ESYT2: variants seen among roughly 807,000 people sequenced by gnomAD.
The protein encoded by ESYT2 is extended synaptotagmin 2, also known as extended synaptotagmin-2.
ESYT2 carries 54 observed loss-of-function variants against 107.2 expected under a neutral mutation model. That is an observed-to-expected ratio of 0.50 (90% CI 0.40 to 0.63). ESYT2 has a LOEUF of 0.63. ESYT2 is among the 30% of genes least tolerant of loss of function. The probability of loss-of-function intolerance (pLI) is 0.00; values close to 1 mark genes in which losing one functional copy is unlikely to be tolerated. For missense variants in ESYT2, 1,020 were observed against 1,094.5 expected (o/e 0.93, Z 0.96); for synonymous variants, 491 against 434.1 (o/e 1.13, Z -1.63).
At position 158,735,563 on chromosome 7, in the gene ESYT2, G is replaced by C. The variant is rs34974906; in HGVS notation, c.2445C>G (p.Leu815=). ...VSLPEVQRRT[L]DVAVKNSGGF... ...CGCCACTGTTCTTCACGGCAACGTCGAGCGTTCTCCTCTGCACTTCTGGTA... is the reference window on the plus strand; with the variant it reads ...CGCCACTGTTCTTCACGGCAACGTCCAGCGTTCTCCTCTGCACTTCTGGTA... Residue 815 remains leucine, a synonymous_variant, in exon 21 of 23, where the codon CTC becomes CTG. Coordinates refer to ENST00000275418, the MANE Select transcript of ESYT2 (RefSeq NM_001367773.1). The C allele has an allele frequency of 2.5e-6, 4 of 1,613,090 alleles. No homozygotes were observed. Among genetic ancestry groups the C allele is most frequent in the African/African-American group, 1.3e-5 (1 of 74,846 alleles).
At chr7:158,737,649 T>C (rs771469451) in intron 19 of ESYT2, among the ~76,000 whole-genome samples, 14 of 152,154 alleles carry the variant, frequency 9.2e-5, no homozygotes, top group Non-Finnish European at 1.8e-4. Flanking sequence ...CTAGGAGGGA[T>C]TGTTTTGCTA....
intron 1 of ESYT2, among the ~76,000 whole-genome samples, chr7:158,810,613 T>C (rs1839966540): frequency 6.6e-6 from 1 of 151,532 alleles, no homozygotes; most frequent in South Asian, 2.1e-4. Context: ...GCCTGGGAGG[T>C]GGAGGCTGCA....
At chr7:158,749,780 TAACTA>T (rs1456129740) in intron 14 of ESYT2, 57 bp from the exon 15 acceptor site, 6 of 1,508,926 alleles carry the variant, frequency 4.0e-6, no homozygotes, top group Non-Finnish European at 5.5e-6. Context: ...AAATGGGTCT[TAACTA>T]AAAATGAAAT....
intron 6 of ESYT2, among the ~76,000 whole-genome samples, chr7:158,781,295 C>CA (rs1838786912): frequency 2.5e-5 from 1 of 40,338 alleles, no homozygotes; most frequent in African/African-American, 7.1e-5. Flanking sequence ...GAACAGTGTG[C>CA]GGTGTGTGAG....
At chr7:158,797,683 T>C (rs1261682202) in intron 3 of ESYT2, among the ~76,000 whole-genome samples, 5 of 151,860 alleles carry the variant, frequency 3.3e-5, no homozygotes, top group Non-Finnish European at 7.4e-5. Flanking sequence ...TGAAACCCCG[T>C]CTCTACTAAA....
At chr7:158,789,982 G>A (rs969156731) in intron 4 of ESYT2, among the ~76,000 whole-genome samples, 1 of 152,198 alleles carries the variant, frequency 6.6e-6, no homozygotes, top group Non-Finnish European at 1.5e-5. Flanking sequence ...CTGGACAACA[G>A]CACAAGGCTC....
intron 4 of ESYT2, 74 bp from the exon 5 acceptor site, chr7:158,788,491 G>C: frequency 2.4e-6 from 3 of 1,239,634 alleles, no homozygotes; most frequent in Non-Finnish European, 3.4e-6. Flanking sequence ...CCTGCAAGAT[G>C]TATAATCTGA....
At chr7:158,792,577 AAT>A (rs35338776) in intron 4 of ESYT2, among the ~76,000 whole-genome samples, 1 of 149,028 alleles carries the variant, frequency 6.7e-6, no homozygotes, top group African/African-American at 2.5e-5. Flanking sequence ...CATATATATA[AAT>A]ATATATATAT....
chr7:158,801,274 T>G (rs1210536769), intron 1 of ESYT2, among the ~76,000 whole-genome samples: 1 of 152,232 alleles, frequency 6.6e-6, no homozygotes, highest in Non-Finnish European at 1.5e-5. Context: ...TGGCTTGTAT[T>G]AGAATTTACA....
At chr7:158,801,080 G>A (rs776056203) in intron 1 of ESYT2, among the ~76,000 whole-genome samples, 9 of 152,138 alleles carry the variant, frequency 5.9e-5, no homozygotes, top group African/African-American at 2.2e-4. Flanking sequence ...CTGCAGTGAG[G>A]CAGTGATGGG....
intron 1 of ESYT2, among the ~76,000 whole-genome samples, chr7:158,803,313 C>T (rs190574023): frequency 2.6e-5 from 4 of 152,308 alleles, no homozygotes; most frequent in Admixed American, 6.5e-5. Flanking sequence ...GTAAAATCAA[C>T]ACAGTCTCAA....
Position 158,764,695 on chromosome 7 carries a change from C to T in ESYT2, c.1083G>A (p.Lys361=). The change falls in exon 9 of 23, where the codon AAG becomes AAA. Residue 361 remains lysine, a synonymous_variant. Transcript: ENST00000275418. ...ACCCCACCTCATAGACTTCATTCCA[C>T]TTTGGACTGAGGTTCTCCTTGATGA... ...SRVIKENLSP[K]WNEVYEALVY... The T allele has an allele frequency of 6.2e-7, 1 of 1,614,108 alleles. No individual in the cohort carries two copies. Among genetic ancestry groups the T allele is most frequent in the Non-Finnish European group, 8.5e-7 (1 of 1,179,982 alleles).
At chr7:158,748,049 G>T (rs1463158431) in intron 16 of ESYT2, 145 bp downstream of exon 16, 1 of 677,068 alleles carries the variant, frequency 1.5e-6, no homozygotes. Flanking sequence ...GCTAGGGGAG[G>T]CCCGGGTTAC....
intron 1 of ESYT2, among the ~76,000 whole-genome samples, chr7:158,814,964 A>C (rs1473595248): frequency 6.6e-6 from 1 of 152,214 alleles, no homozygotes; most frequent in Non-Finnish European, 1.5e-5. Flanking sequence ...AGAGAATGCA[A>C]GGGAGTGCAC....
chr7:158,773,165 G>C (rs932022121), intron 7 of ESYT2, among the ~76,000 whole-genome samples, 176 bp downstream of exon 7: 2 of 151,962 alleles, frequency 1.3e-5, no homozygotes, highest in Middle Eastern at 3.2e-3. Flanking sequence ...AGCAGCTCCC[G>C]GCAGGCAGAA....
intron 13 of ESYT2, 123 bp downstream of exon 13, chr7:158,759,363 C>T (rs759534033): frequency 4.5e-5 from 32 of 712,662 alleles, no homozygotes; most frequent in Admixed American, 3.1e-4. Flanking sequence ...TGCACTTGGA[C>T]GTGAAGTGAA....
At chr7:158,806,011 G>C (rs1000679987) in intron 1 of ESYT2, among the ~76,000 whole-genome samples, 1 of 152,204 alleles carries the variant, frequency 6.6e-6, no homozygotes, top group Non-Finnish European at 1.5e-5. Flanking sequence ...ATGGGCCCCA[G>C]GGACACAGGG....
intron 1 of ESYT2, among the ~76,000 whole-genome samples, chr7:158,811,934 C>T (rs1182425533): frequency 6.6e-6 from 1 of 152,200 alleles, no homozygotes; most frequent in Non-Finnish European, 1.5e-5. Context: ...AGGCTAGCCT[C>T]GAAGGAGCAA....
At chr7:158,799,280 G>A (rs1839562641) in intron 1 of ESYT2, among the ~76,000 whole-genome samples, 1 of 152,164 alleles carries the variant, frequency 6.6e-6, no homozygotes, top group Non-Finnish European at 1.5e-5. Context: ...AGAACACAAT[G>A]AGCAAAAAAG....
Sources: allele counts gnomAD v4.1 joint callset (sites outside exome capture counted in the v4.1 genomes callset), GRCh38; gene constraint gnomAD v4.1.1; transcripts MANE v1.5; gene names NCBI Gene and HGNC (gene_info 2026-07-23, HGNC 2026-07-21).